Variants in FRMPD4 observed in about 807,000 individuals in gnomAD.
FRMPD4 encodes FERM and PDZ domain-containing protein 4.
FRMPD4 carries 22 observed loss-of-function variants against 94.1 expected under a neutral mutation model. The observed-to-expected ratio is 0.23, with a 90% CI of 0.17 to 0.33. The LOEUF (loss-of-function observed/expected upper bound fraction) is 0.33. Ranked by LOEUF, FRMPD4 falls within the 10% of genes least tolerant of loss-of-function variation. The probability of loss-of-function intolerance (pLI) is 1.00; values close to 1 mark genes in which losing one functional copy is unlikely to be tolerated. For synonymous variants in FRMPD4, 631 were observed against 548.6 expected, an observed-to-expected ratio of 1.15 and a Z score of -2.10; for missense variants, 1,111 against 1,339.9, an observed-to-expected ratio of 0.83 and a Z score of 2.67.
At chrX:11,832,541 A>C (rs779827059) in intron 1 of FRMPD4, among the ~76,000 whole-genome samples, 4 of 111,844 alleles carry the variant, frequency 3.6e-5, no homozygotes, top group Non-Finnish European at 7.5e-5. Context: ...TTGATATCAA[A>C]CAGAGCATAG....
chrX:12,039,967 CAAAAAAAA>C (rs367795862), intron 3 of FRMPD4, among the ~76,000 whole-genome samples: 5 of 32,015 alleles, frequency 1.6e-4, no homozygotes, highest in South Asian at 1.6e-3. Flanking sequence ...AAAACTTTGT[CAAAAAAAA>C]AAAAAAAAAG....
At chrX:12,553,462 A>G (rs868442533) in intron 2 of FRMPD4, among the ~76,000 whole-genome samples, 2 of 67,999 alleles carry the variant, frequency 2.9e-5, no homozygotes, top group African/African-American at 4.8e-5. Flanking sequence ...ATATATATAT[A>G]TATATCTAAT....
intron 1 of FRMPD4, among the ~76,000 whole-genome samples, chrX:12,399,524 G>A (rs963147052): frequency 9.8e-5 from 11 of 111,794 alleles, no homozygotes; most frequent in Non-Finnish European, 1.7e-4. Context: ...ACTGTTGACT[G>A]AAAGCCTTAC....
At chrX:12,689,884 C>G (rs760945958) in intron 7 of FRMPD4, among the ~76,000 whole-genome samples, 1 of 112,578 alleles carries the variant, frequency 8.9e-6, no homozygotes, top group Admixed American at 9.4e-5. Flanking sequence ...ACTGCACAAT[C>G]TATTGACAAC....
chrX:12,433,153 T>C (rs966206545), intron 1 of FRMPD4, among the ~76,000 whole-genome samples: 5 of 112,242 alleles, frequency 4.5e-5, no homozygotes, highest in Admixed American at 1.9e-4. Flanking sequence ...AGAGAAGTGG[T>C]TTATTATCTT....
At chrX:11,960,097 G>A (rs1377687792) in intron 3 of FRMPD4, among the ~76,000 whole-genome samples, 1 of 111,467 alleles carries the variant, frequency 9.0e-6, no homozygotes, top group Non-Finnish European at 1.9e-5. Context: ...GCTGGGGTGT[G>A]TATCCCAGAA....
At chrX:12,588,345 G>A (rs1379726391) in intron 2 of FRMPD4, among the ~76,000 whole-genome samples, 2 of 112,213 alleles carry the variant, frequency 1.8e-5, no homozygotes, top group African/African-American at 6.5e-5. Flanking sequence ...GCAGGGCCCA[G>A]GATTTCCTCC....
chrX:11,984,949 A>G (rs1031440627), intron 3 of FRMPD4, among the ~76,000 whole-genome samples: 4 of 112,251 alleles, frequency 3.6e-5, no homozygotes, highest in Admixed American at 9.4e-5. Flanking sequence ...GCTCCTTATC[A>G]TTAATCATTA....
At chrX:12,715,998 G>GCGGGGGGCCCCC in intron 14 of FRMPD4, 71 bp from the exon 15 acceptor site, 1 of 383,858 alleles carries the variant, frequency 2.6e-6, no homozygotes, top group South Asian at 6.1e-5. Flanking sequence ...ACAGAGACGA[G>GCGGGGGGCCCCC]CCTCCCACCC....
intron 3 of FRMPD4, among the ~76,000 whole-genome samples, chrX:11,927,097 T>TA (rs1263944224): frequency 9.1e-6 from 1 of 109,465 alleles, no homozygotes; most frequent in African/African-American, 3.3e-5. Flanking sequence ...CATTCCTATA[T>TA]ACCAACAACA....
Position 11,829,582 on chromosome X carries a change from T to TA in FRMPD4, c.-161+6873dup, listed in dbSNP as rs769881401. Among the ~76,000 whole-genome samples the TA allele has an allele frequency of 3.6e-5, 4 of 111,699 alleles. No individual in the cohort carries two copies. The South Asian group carries it at 1.1e-3, about 31-fold the overall frequency. On this transcript the variant is annotated intron_variant, in intron 1 of 18. Coordinates refer to the FRMPD4 transcript ENST00000640291. ...CTAAAATGAAAGTTGAAGTTATTTTTAAAAAAGAATAACCACTAGTTTGGA... is the reference window on the plus strand; with the variant it reads ...CTAAAATGAAAGTTGAAGTTATTTTTAAAAAAAGAATAACCACTAGTTTGGA...
intron 3 of FRMPD4, among the ~76,000 whole-genome samples, chrX:11,979,505 A>G (rs1402735017): frequency 8.9e-6 from 1 of 112,184 alleles, no homozygotes; most frequent in Non-Finnish European, 1.9e-5. Context: ...GTGGGATGAA[A>G]CTTTCATCAC....
chrX:12,073,807 C>T (rs191239242), intron 3 of FRMPD4, among the ~76,000 whole-genome samples: 2 of 112,456 alleles, frequency 1.8e-5, no homozygotes, highest in South Asian at 3.7e-4. Flanking sequence ...TGGGCTCAAA[C>T]GATCCTCATG....
chrX:12,003,835 G>T (rs972668612), intron 3 of FRMPD4, among the ~76,000 whole-genome samples: 1 of 112,058 alleles, frequency 8.9e-6, no homozygotes, highest in Non-Finnish European at 1.9e-5. Context: ...AATATAAAAT[G>T]CACAATTTTT....
chrX:12,389,213 C>T (rs2056442589), intron 1 of FRMPD4, among the ~76,000 whole-genome samples: 1 of 110,100 alleles, frequency 9.1e-6, no homozygotes, highest in African/African-American at 3.3e-5. Context: ...GTGGATCACG[C>T]CTGTAATCCC....
chrX:12,691,837 C>T (rs1458248989), intron 8 of FRMPD4, among the ~76,000 whole-genome samples: 3 of 110,102 alleles, frequency 2.7e-5, no homozygotes, highest in South Asian at 4.1e-4. Flanking sequence ...GGTATCCCAC[C>T]GAGAGGCGAG....
intron 6 of FRMPD4, among the ~76,000 whole-genome samples, chrX:12,685,402 A>C (rs1450636789): frequency 3.6e-5 from 4 of 111,818 alleles, no homozygotes; most frequent in Non-Finnish European, 7.5e-5. Flanking sequence ...GAAAGAAAAA[A>C]TGCAAAGAAA....
chrX:12,368,604 T>C (rs1399649310), intron 1 of FRMPD4, among the ~76,000 whole-genome samples: 1 of 110,710 alleles, frequency 9.0e-6, no homozygotes, highest in Non-Finnish European at 1.9e-5. Flanking sequence ...CATGGCTGGG[T>C]GCAGTGGCTC....
At chrX:11,908,221 G>T (rs1019242567) in intron 3 of FRMPD4, among the ~76,000 whole-genome samples, 5 of 111,804 alleles carry the variant, frequency 4.5e-5, no homozygotes, top group African/African-American at 6.5e-5. Flanking sequence ...TTAATTTTTT[G>T]CTGGATCCTC....
Sources: gnomAD v4.1 joint callset for allele counts (sites outside exome capture counted in the v4.1 genomes callset) on GRCh38, gnomAD v4.1.1 for gene constraint, MANE v1.5 for transcripts, NCBI Gene and HGNC (gene_info 2026-07-23, HGNC 2026-07-21) for gene names.